SLC4A4: variants seen among roughly 807,000 people sequenced by gnomAD.
SLC4A4 encodes solute carrier family 4 member 4.
In SLC4A4, 27 loss-of-function variants were observed where a neutral mutation model predicts 111.5. That is an observed-to-expected ratio of 0.24 (90% CI 0.18 to 0.33). SLC4A4 has a LOEUF of 0.33. SLC4A4 is among the 10% of genes least tolerant of loss of function. SLC4A4 has a pLI of 1.00. For synonymous variants in SLC4A4, 443 were observed against 463.4 expected (o/e 0.96, Z 0.57); for missense variants, 909 against 1,315.5 (o/e 0.69, Z 4.78).
intron 7 of SLC4A4, among the ~76,000 whole-genome samples, 181 bp downstream of exon 7, chr4:71,397,834 A>G (rs1191198482): frequency 1.3e-5 from 2 of 152,204 alleles, no homozygotes; most frequent in African/African-American, 2.4e-5. Context: ...CAGAAGGGAA[A>G]AATGTGCGTT....
At chr4:71,110,514 T>C (rs903086805) in intron 2 of SLC4A4, among the ~76,000 whole-genome samples, 1 of 152,226 alleles carries the variant, frequency 6.6e-6, no homozygotes, top group Non-Finnish European at 1.5e-5. Context: ...GCAAATCTCA[T>C]GGTAACTTTT....
In SLC4A4 at chr4:71,107,532, T is replaced by G. The variant is rs374536601; in HGVS notation, c.-2+14740T>G. On this transcript the variant is annotated intron_variant, in intron 2 of 26. Coordinates refer to the SLC4A4 transcript ENST00000649996. The stretch of plus-strand genomic sequence containing the variant: ...CGGCTAATTTTTTTGCATTTTTTAG[T>G]AGAGACGGGGTTTCACCATGTTGGC... Among the ~76,000 whole-genome samples, 362 of 152,150 alleles carry G rather than the reference T, an allele frequency of 2.4e-3. 2 individuals are homozygous for G. Among genetic ancestry groups the G allele is most frequent in the South Asian group, 0.013 (63 of 4,812 alleles).
At chr4:71,218,747 G>A (rs540621536) in intron 1 of SLC4A4, among the ~76,000 whole-genome samples, 1 of 152,152 alleles carries the variant, frequency 6.6e-6, no homozygotes, top group Non-Finnish European at 1.5e-5. Flanking sequence ...TTTCATTGAC[G>A]AGTAGTCAAG....
rs1197070197 is a variant in SLC4A4, at chr4:71,497,693, G to GT, written c.2166+2dup. On this transcript the variant is annotated splice_donor_variant, in intron 16 of 25. Coordinates refer to ENST00000264485, the MANE Select transcript of SLC4A4 (RefSeq NM_001098484.3). LOFTEE classifies it high-confidence loss of function. ...AACTAGTCCTTATTTTCCAACCACA[G>GT]TAAGTACCTGAACTTTAAATGATTT... 6.2e-7 allele frequency: 1 copy of GT among 1,606,788 alleles called. No individual in the cohort carries two copies. Among genetic ancestry groups the GT allele is most frequent in the Non-Finnish European group, 8.5e-7 (1 of 1,173,742 alleles).
At chr4:71,515,475 G>A (rs1732301794) in intron 16 of SLC4A4, among the ~76,000 whole-genome samples, 1 of 152,116 alleles carries the variant, frequency 6.6e-6, no homozygotes, top group East Asian at 1.9e-4. Flanking sequence ...TTCTGTAAAT[G>A]TCTGTTAGGT....
chr4:71,073,733 AC>A (rs755777160), intron 1 of SLC4A4, among the ~76,000 whole-genome samples: 1 of 152,078 alleles, frequency 6.6e-6, no homozygotes, highest in Non-Finnish European at 1.5e-5. Flanking sequence ...CTAGAACAGT[AC>A]CTGCACATAA....
At chr4:71,138,280 A>G (rs1743898768) in intron 2 of SLC4A4, among the ~76,000 whole-genome samples, 1 of 152,082 alleles carries the variant, frequency 6.6e-6, no homozygotes, top group Non-Finnish European at 1.5e-5. Context: ...TGCCTCACTA[A>G]TCAATTTTTT....
intron 1 of SLC4A4, among the ~76,000 whole-genome samples, chr4:71,208,658 A>G (rs1578597700): frequency 2.0e-5 from 3 of 151,982 alleles, no homozygotes; most frequent in Admixed American, 2.0e-4. Context: ...TGATTTATTA[A>G]TTATGGTTTT....
intron 3 of SLC4A4, among the ~76,000 whole-genome samples, chr4:71,333,356 GTTCTC>G (rs1728173984): frequency 6.6e-6 from 1 of 152,242 alleles, no homozygotes; most frequent in Admixed American, 6.5e-5. Context: ...AGAGACTCTT[GTTCTC>G]TTCTCTTACT....
At chr4:71,282,504 C>T (rs1018409217) in intron 3 of SLC4A4, among the ~76,000 whole-genome samples, 8 of 150,152 alleles carry the variant, frequency 5.3e-5, no homozygotes, top group African/African-American at 1.3e-4. Flanking sequence ...AGGCTGGTCA[C>T]GAACACCTGA....
chr4:71,344,438 A>T (rs950992402), intron 4 of SLC4A4, among the ~76,000 whole-genome samples: 3 of 152,060 alleles, frequency 2.0e-5, no homozygotes, highest in African/African-American at 7.2e-5. Context: ...TTTTCCCCCC[A>T]TTAAAAGCCC....
rs1178435945 is a variant in SLC4A4, at chr4:71,569,937, C to T, written c.*2186C>T. The T allele has an allele frequency of 6.6e-6, 1 of 151,550 alleles. No homozygotes were observed. Among genetic ancestry groups the T allele is most frequent in the African/African-American group, 2.4e-5 (1 of 41,262 alleles). The allele number at this position is 151,550 out of a possible 1,614,324, so 9.4% of individuals were successfully genotyped here. ...CCTCACTTGCCAAATTCTGGCTTCACATTTGTATTTAGGGCTATCCTTAAA... is the reference window on the plus strand; with the variant it reads ...CCTCACTTGCCAAATTCTGGCTTCATATTTGTATTTAGGGCTATCCTTAAA... On this transcript the variant is annotated 3_prime_UTR_variant, in exon 26 of 26. Transcript: ENST00000264485.
At chr4:71,149,625 T>C (rs1202834029) in intron 2 of SLC4A4, among the ~76,000 whole-genome samples, 1 of 152,146 alleles carries the variant, frequency 6.6e-6, no homozygotes, top group Non-Finnish European at 1.5e-5. Context: ...CAACAAATGT[T>C]TGTTAGGCAT....
At chr4:71,098,068 C>T (rs915602887) in intron 2 of SLC4A4, among the ~76,000 whole-genome samples, 21 of 152,136 alleles carry the variant, frequency 1.4e-4, no homozygotes, top group Middle Eastern at 3.2e-3. Context: ...GTTGTGATGG[C>T]TTCTGGCATC....
chr4:71,337,827 A>C (rs1053687181), intron 3 of SLC4A4, among the ~76,000 whole-genome samples: 2 of 151,336 alleles, frequency 1.3e-5, no homozygotes, highest in Admixed American at 1.3e-4. Flanking sequence ...CATTTAATTA[A>C]TTAATTAATT....
chr4:71,435,844 A>C (rs1264083331), intron 7 of SLC4A4, among the ~76,000 whole-genome samples: 1 of 152,270 alleles, frequency 6.6e-6, no homozygotes, highest in African/African-American at 2.4e-5. Flanking sequence ...AATGCAAATC[A>C]AAACCACAAT....
intron 7 of SLC4A4, among the ~76,000 whole-genome samples, chr4:71,416,143 C>T (rs894806602): frequency 3.3e-5 from 5 of 152,166 alleles, no homozygotes; most frequent in African/African-American, 1.2e-4. Flanking sequence ...CATGGTGAAG[C>T]TTGGACTCTG....
chr4:71,180,879 G>C (rs1745270222), intron 2 of SLC4A4, among the ~76,000 whole-genome samples: 1 of 152,018 alleles, frequency 6.6e-6, no homozygotes. Context: ...TATACCCAAG[G>C]ATTATAAATC....
At position 71,161,169 on chromosome 4, in the gene SLC4A4, C is replaced by T. The variant is rs141165127; in HGVS notation, c.-2+68377C>T. Among the ~76,000 whole-genome samples, 18 of 152,272 alleles carry T rather than the reference C, an allele frequency of 1.2e-4. No individual in the cohort carries two copies. The East Asian group carries it at 3.3e-3, about 28-fold the overall frequency. On this transcript the variant is annotated intron_variant, in intron 2 of 26. Transcript: ENST00000649996. ...GATGAGATATGGATTCTGATAGAGA[C>T]ATTAACCTGAGCCCTTCCCCACAAA...
Sources: gnomAD v4.1 joint callset for allele counts (sites outside exome capture counted in the v4.1 genomes callset) on GRCh38, gnomAD v4.1.1 for gene constraint, MANE v1.5 for transcripts, NCBI Gene and HGNC (gene_info 2026-07-23, HGNC 2026-07-21) for gene names.